Variants in COL19A1 observed in about 807,000 individuals in gnomAD.
COL19A1 encodes collagen type XIX alpha 1 chain.
In COL19A1, 159 loss-of-function variants were observed where a neutral mutation model predicts 190.2. That is an observed-to-expected ratio of 0.84 (90% CI 0.73 to 0.95). The LOEUF (loss-of-function observed/expected upper bound fraction) is 0.95, where lower values mean the gene tolerates loss of function less well. COL19A1 is among the 40% of genes least tolerant of loss of function. The pLI is 0.00. For synonymous variants in COL19A1, 509 were observed against 458.9 expected (o/e 1.11, Z -1.39); for missense variants, 1,418 against 1,431.9 (o/e 0.99, Z 0.16).
At chr6:70,146,780 C>A (rs755700235) in intron 26 of COL19A1, 32 bp from the exon 27 acceptor site, 2 of 1,589,388 alleles carry the variant, frequency 1.3e-6, no homozygotes, top group South Asian at 2.3e-5. Context: ...GTCTCTTGAG[C>A]CTTGCAGTAA....
intron 12 of COL19A1, among the ~76,000 whole-genome samples, chr6:70,026,597 A>G (rs1252740276): frequency 6.6e-6 from 1 of 152,116 alleles, no homozygotes; most frequent in Non-Finnish European, 1.5e-5. Context: ...ACTAAGGAGA[A>G]ATAACAAAAA....
At chr6:69,906,144 A>G (rs1770534391) in intron 4 of COL19A1, among the ~76,000 whole-genome samples, 1 of 152,228 alleles carries the variant, frequency 6.6e-6, no homozygotes, top group Non-Finnish European at 1.5e-5. Flanking sequence ...GGCATAATGT[A>G]GTCTCTATCT....
intron 41 of COL19A1, among the ~76,000 whole-genome samples, chr6:70,175,671 C>T (rs1212170226): frequency 6.6e-6 from 1 of 151,940 alleles, no homozygotes; most frequent in African/African-American, 2.4e-5. Flanking sequence ...ACTAGTATCT[C>T]TTTATTATTA....
chr6:70,077,655 G>A (rs186031007), intron 15 of COL19A1, among the ~76,000 whole-genome samples: 2 of 151,428 alleles, frequency 1.3e-5, no homozygotes, highest in African/African-American at 4.9e-5. Flanking sequence ...CAAATCACTA[G>A]ACAATGCACT....
intron 19 of COL19A1, among the ~76,000 whole-genome samples, 192 bp downstream of exon 19, chr6:70,137,939 A>G (rs534891959): frequency 2.0e-5 from 3 of 152,320 alleles, no homozygotes; most frequent in African/African-American, 7.2e-5. Context: ...TTAATCCATA[A>G]AAAGTTTCCA....
intron 4 of COL19A1, among the ~76,000 whole-genome samples, chr6:69,921,502 A>ATATTCATATATATTCATATATATTCATG (rs1561998746): frequency 8.6e-5 from 1 of 11,660 alleles, no homozygotes; most frequent in Non-Finnish European, 2.4e-4. Flanking sequence ...ATATATTCAT[A>ATATTCATATATATTCATATATATTCATG]TATATTCATA....
intron 14 of COL19A1, among the ~76,000 whole-genome samples, chr6:70,043,439 G>A (rs540454489): frequency 1.1e-4 from 16 of 152,116 alleles, no homozygotes; most frequent in South Asian, 4.2e-4. Context: ...TGATCTGCCC[G>A]TCTCGGCCTC....
At chr6:69,934,793 G>C (rs1485875501) in intron 7 of COL19A1, among the ~76,000 whole-genome samples, 1 of 151,962 alleles carries the variant, frequency 6.6e-6, no homozygotes, top group Non-Finnish European at 1.5e-5. Flanking sequence ...ACAAAAAATA[G>C]AAACATACTA....
chr6:70,120,525 T>G (rs1282459362), intron 16 of COL19A1, among the ~76,000 whole-genome samples: 1 of 152,188 alleles, frequency 6.6e-6, no homozygotes, highest in Non-Finnish European at 1.5e-5. Flanking sequence ...TTACTTCCTC[T>G]AACTGACCTA....
intron 15 of COL19A1, among the ~76,000 whole-genome samples, chr6:70,081,244 A>T (rs2150164001): frequency 6.6e-6 from 1 of 152,228 alleles, no homozygotes; most frequent in Admixed American, 6.5e-5. Context: ...AATATTTCTA[A>T]TTGTCTTCTG....
At chr6:70,206,360 G>A (rs755193396) in intron 49 of COL19A1, among the ~76,000 whole-genome samples, 6 of 152,162 alleles carry the variant, frequency 3.9e-5, no homozygotes, top group Non-Finnish European at 7.4e-5. Flanking sequence ...TGGGCATGGT[G>A]GCTCATGCTT....
At chr6:69,968,229 C>G (rs1308060006) in intron 11 of COL19A1, among the ~76,000 whole-genome samples, 1 of 152,122 alleles carries the variant, frequency 6.6e-6, no homozygotes, top group Non-Finnish European at 1.5e-5. Context: ...CTTCACTTAT[C>G]TATTTCATAG....
chr6:69,991,598 T>C (rs1776626227), intron 11 of COL19A1, among the ~76,000 whole-genome samples: 1 of 152,070 alleles, frequency 6.6e-6, no homozygotes, highest in Non-Finnish European at 1.5e-5. Flanking sequence ...TGTGAGATGG[T>C]TTCTTATTAT....
intron 2 of COL19A1, among the ~76,000 whole-genome samples, chr6:69,888,417 C>T (rs1430135408): frequency 6.6e-6 from 1 of 152,022 alleles, no homozygotes; most frequent in East Asian, 1.9e-4. Flanking sequence ...GAAATTAACT[C>T]TTTCTAGTTT....
chr6:70,066,457 G>A (rs987247336), intron 14 of COL19A1, among the ~76,000 whole-genome samples: 18 of 152,184 alleles, frequency 1.2e-4, no homozygotes, highest in Admixed American at 1.1e-3. Context: ...GTGGGGTGGG[G>A]GGAGTGGGGA....
At chr6:69,946,292 T>A (rs1773792783) in intron 9 of COL19A1, among the ~76,000 whole-genome samples, 1 of 152,090 alleles carries the variant, frequency 6.6e-6, no homozygotes, top group Admixed American at 6.6e-5. Context: ...AGAGAATGTA[T>A]CCTTATTTTT....
chr6:70,124,654 A>T (rs530413075), intron 17 of COL19A1, among the ~76,000 whole-genome samples: 2 of 152,308 alleles, frequency 1.3e-5, no homozygotes, highest in East Asian at 3.9e-4. Flanking sequence ...CTCACCTAAA[A>T]GAACCCCAGT....
At chr6:69,933,121 T>C (rs1772887341) in intron 7 of COL19A1, among the ~76,000 whole-genome samples, 1 of 152,120 alleles carries the variant, frequency 6.6e-6, no homozygotes, top group African/African-American at 2.4e-5. Context: ...TATGCCTTTC[T>C]TCCTAAACTA....
At chr6:70,162,957 A>T (rs1281724420) in intron 35 of COL19A1, among the ~76,000 whole-genome samples, 1 of 152,188 alleles carries the variant, frequency 6.6e-6, no homozygotes, top group Non-Finnish European at 1.5e-5. Context: ...AGAACTCAAT[A>T]TGCACACTGT....
Sources: gnomAD v4.1 joint callset for allele counts (sites outside exome capture counted in the v4.1 genomes callset) on GRCh38, gnomAD v4.1.1 for gene constraint, MANE v1.5 for transcripts, NCBI Gene and HGNC (gene_info 2026-07-23, HGNC 2026-07-21) for gene names.